SLC35F1: variants seen among roughly 807,000 people sequenced by gnomAD.
The protein encoded by SLC35F1 is solute carrier family 35 member F1, also known as chromosome 6 open reading frame 169.
Under a neutral mutation model 48.7 loss-of-function variants are expected in SLC35F1, and 14 were observed. The ratio of observed to expected loss-of-function variants is 0.29; its 90% CI spans 0.19 to 0.45. The LOEUF (loss-of-function observed/expected upper bound fraction) is 0.45. Among genes scored for constraint, SLC35F1 ranks in the 20% least tolerant of loss-of-function variants. The pLI, the probability that SLC35F1 is intolerant of heterozygous loss-of-function variation, is 1.00. For missense variants in SLC35F1, 404 were observed against 500.0 expected, an observed-to-expected ratio of 0.81 and a Z score of 1.83; for synonymous variants, 190 against 202.2, an observed-to-expected ratio of 0.94 and a Z score of 0.51.
At chr6:118,166,131 G>T (rs549169426) in intron 2 of SLC35F1, among the ~76,000 whole-genome samples, 1 of 152,072 alleles carries the variant, frequency 6.6e-6, no homozygotes, top group Admixed American at 6.5e-5. Context: ...AAATCAGGGT[G>T]GGGAGAGGAA....
chr6:117,931,797 AGCCAGTTGCT>A (rs941459262), intron 1 of SLC35F1, among the ~76,000 whole-genome samples: 1 of 152,236 alleles, frequency 6.6e-6, no homozygotes, highest in African/African-American at 2.4e-5. Flanking sequence ...GAACTACTGC[AGCCAGTTGCT>A]GCTTAATTAT....
At chr6:118,280,875 A>G (rs1249778658) in intron 6 of SLC35F1, among the ~76,000 whole-genome samples, 4 of 142,406 alleles carry the variant, frequency 2.8e-5, no homozygotes, top group African/African-American at 7.3e-5. Context: ...GTCCCAAAAA[A>G]AAAAAAACAA....
chr6:118,267,355 T>G (rs1188810306), intron 4 of SLC35F1, among the ~76,000 whole-genome samples: 1 of 152,212 alleles, frequency 6.6e-6, no homozygotes, highest in Non-Finnish European at 1.5e-5. Flanking sequence ...TGCATGAGTT[T>G]GCAAAATACA....
chr6:118,147,746 C>G (rs568233761), intron 1 of SLC35F1, among the ~76,000 whole-genome samples: 1 of 152,246 alleles, frequency 6.6e-6, no homozygotes, highest in African/African-American at 2.4e-5. Flanking sequence ...TCTCAAAAAT[C>G]TCCTACACTT....
intron 1 of SLC35F1, among the ~76,000 whole-genome samples, chr6:118,064,773 G>A (rs1041509752): frequency 1.3e-5 from 2 of 152,168 alleles, no homozygotes; most frequent in Non-Finnish European, 2.9e-5. Flanking sequence ...TATGCCATAT[G>A]TGTAATGGTT....
At chr6:118,184,147 G>A (rs570708957) in intron 2 of SLC35F1, among the ~76,000 whole-genome samples, 3 of 152,178 alleles carry the variant, frequency 2.0e-5, no homozygotes, top group Admixed American at 6.6e-5. Context: ...CAGGACACAA[G>A]TAACAATATA....
chr6:117,965,207 A>G (rs529111041), intron 1 of SLC35F1, among the ~76,000 whole-genome samples: 14 of 152,344 alleles, frequency 9.2e-5, no homozygotes, highest in African/African-American at 2.9e-4. Context: ...CATCAGTTAT[A>G]TGAGACAGTT....
intron 1 of SLC35F1, among the ~76,000 whole-genome samples, chr6:118,022,245 C>G (rs146400074): frequency 2.0e-5 from 3 of 152,272 alleles, no homozygotes; most frequent in Non-Finnish European, 4.4e-5. Context: ...AAAATTTAGA[C>G]TGGAAACCTG....
intron 7 of SLC35F1, among the ~76,000 whole-genome samples, chr6:118,303,879 C>T (rs184402439): frequency 6.6e-6 from 1 of 152,294 alleles, no homozygotes; most frequent in East Asian, 1.9e-4. Flanking sequence ...CCAAGTACAA[C>T]CATATTAGGG....
chr6:118,254,432 C>A (rs1775617183), intron 3 of SLC35F1, among the ~76,000 whole-genome samples: 1 of 152,108 alleles, frequency 6.6e-6, no homozygotes, highest in Non-Finnish European at 1.5e-5. Context: ...TAGGTGTGTG[C>A]CACCACGCCT....
chr6:118,231,505 A>G (rs1035727509), intron 2 of SLC35F1, among the ~76,000 whole-genome samples: 9 of 152,334 alleles, frequency 5.9e-5, no homozygotes, highest in African/African-American at 2.2e-4. Flanking sequence ...TAAATCCCCA[A>G]GCTGGCTTTT....
At chr6:117,986,078 T>C (rs1776844732) in intron 1 of SLC35F1, among the ~76,000 whole-genome samples, 1 of 152,222 alleles carries the variant, frequency 6.6e-6, no homozygotes, top group South Asian at 2.1e-4. Context: ...AGATTCTTTG[T>C]AGTGTCTGCT....
At chr6:118,119,618 C>T (rs1301817310) in intron 1 of SLC35F1, among the ~76,000 whole-genome samples, 1 of 151,448 alleles carries the variant, frequency 6.6e-6, no homozygotes, top group Non-Finnish European at 1.5e-5. Context: ...ATTCTCCTGC[C>T]TCAGCCTCCT....
At chr6:118,122,579 C>T (rs191340162) in intron 1 of SLC35F1, among the ~76,000 whole-genome samples, 167 of 152,268 alleles carry the variant, frequency 1.1e-3, no homozygotes, top group Non-Finnish European at 2.1e-3. Flanking sequence ...TTATTGTGCG[C>T]GTTTAGTATA....
chr6:118,250,218 G>C (rs940060099), intron 3 of SLC35F1, among the ~76,000 whole-genome samples: 1 of 152,014 alleles, frequency 6.6e-6, no homozygotes, highest in Non-Finnish European at 1.5e-5. Flanking sequence ...CCTCTCCCCT[G>C]TTTAATTTTT....
At chr6:118,095,705 A>G (rs1422630214) in intron 1 of SLC35F1, among the ~76,000 whole-genome samples, 1 of 152,140 alleles carries the variant, frequency 6.6e-6, no homozygotes, top group Non-Finnish European at 1.5e-5. Flanking sequence ...GACATACACA[A>G]TAGGGCACTC....
chr6:117,961,728 A>G (rs1052931307), intron 1 of SLC35F1, among the ~76,000 whole-genome samples: 4 of 152,214 alleles, frequency 2.6e-5, no homozygotes, highest in Non-Finnish European at 4.4e-5. Flanking sequence ...ATACAAATGT[A>G]ATGTTTCCCA....
At chr6:118,153,453 T>A (rs2114466840) in intron 1 of SLC35F1, among the ~76,000 whole-genome samples, 1 of 152,288 alleles carries the variant, frequency 6.6e-6, no homozygotes, top group South Asian at 2.1e-4. Context: ...AAAATAAAAC[T>A]TTCAATGAAA....
intron 1 of SLC35F1, among the ~76,000 whole-genome samples, chr6:117,967,563 A>G (rs1324734862): frequency 6.6e-6 from 1 of 152,178 alleles, no homozygotes; most frequent in Non-Finnish European, 1.5e-5. Context: ...TGACAAATTG[A>G]AGAAATCGAC....
Sources: gnomAD v4.1 joint callset for allele counts (sites outside exome capture counted in the v4.1 genomes callset) on GRCh38, gnomAD v4.1.1 for gene constraint, MANE v1.5 for transcripts, NCBI Gene and HGNC (gene_info 2026-07-23, HGNC 2026-07-21) for gene names.